The following SERPINB12 variants were observed in gnomAD, a reference collection of about 807,000 sequenced individuals.
The protein encoded by SERPINB12 is serpin B12.
SERPINB12 carries 57 observed loss-of-function variants against 41.1 expected under a neutral mutation model. The ratio of observed to expected loss-of-function variants is 1.39; its 90% CI spans 1.12 to 1.73. SERPINB12 has a LOEUF of 1.73. Among genes scored for constraint, SERPINB12 ranks in the 40% most tolerant of loss-of-function variants. The pLI is 0.00. For missense variants in SERPINB12, 536 were observed against 501.9 expected, an observed-to-expected ratio of 1.07 and a Z score of -0.65; for synonymous variants, 180 against 181.3, an observed-to-expected ratio of 0.99 and a Z score of 0.06.
intron 1 of SERPINB12, among the ~76,000 whole-genome samples, chr18:63,554,538 G>A (rs73468557): frequency 1.8e-3 from 273 of 152,232 alleles, no homozygotes; most frequent in African/African-American, 6.5e-3. Flanking sequence ...ACAAATAAGA[G>A]GATTTACATT....
chr18:63,552,887 A>G (rs1426745964), intron 1 of SERPINB12, among the ~76,000 whole-genome samples: 1 of 152,168 alleles, frequency 6.6e-6, no homozygotes, highest in Non-Finnish European at 1.5e-5. Context: ...ATTATTTGCT[A>G]TGTTTTAGAC....
At chr18:63,536,334 G>A in the SERPINB12 span, among the ~76,000 whole-genome samples, 3 of 151,652 alleles carry the variant, frequency 2.0e-5, no homozygotes, top group South Asian at 6.2e-4. Context: ...CAACAAAAGA[G>A]GATGTACGAA....
intron 1 of SERPINB12, among the ~76,000 whole-genome samples, chr18:63,551,568 T>C (rs948004093): frequency 6.6e-6 from 1 of 152,120 alleles, no homozygotes; most frequent in African/African-American, 2.4e-5. Context: ...CTCAACATTA[T>C]CTTATGATGT....
chr18:63,520,654 G>T, the SERPINB12 span, among the ~76,000 whole-genome samples: 6 of 152,228 alleles, frequency 3.9e-5, no homozygotes, highest in Non-Finnish European at 8.8e-5. Context: ...AACCAGGACA[G>T]TGGTAGAAAA....
chr18:63,556,229 C>G lies in SERPINB12; in HGVS notation c.70C>G (p.Arg24Gly), dbSNP rs948500841. ...TTTTCAAGAGATAGGCAAAGATGAT[C>G]GTCATAAAAACATATTTTTCTCTCC... Reference protein sequence around the residue: ...DLFQEIGKDDRHKNIFFSPLS... With the variant: ...DLFQEIGKDDGHKNIFFSPLS... The change falls in exon 2 of 8, where the codon CGT becomes GGT. Residue 24 changes from arginine to glycine, a missense_variant. Coordinates refer to ENST00000382768, the MANE Select transcript of SERPINB12 (RefSeq NM_001307928.2). The G allele has an allele frequency of 6.2e-7, 1 of 1,613,866 alleles. No homozygotes were observed. The highest frequency in any genetic ancestry group is 1.7e-5 in the Admixed American group (1 of 59,992).
rs1911140480 is a variant in SERPINB12, at chr18:63,567,191, G to A, written c.*180G>A. On this transcript the variant is annotated 3_prime_UTR_variant, in exon 8 of 8. Transcript: ENST00000382768. ...CTGTAGCTTATTTTCATCTGAGTCTGTTAGTATTGAAGGGCTGTTGTTCTC... is the reference window on the plus strand; with the variant it reads ...CTGTAGCTTATTTTCATCTGAGTCTATTAGTATTGAAGGGCTGTTGTTCTC... 6.6e-6 allele frequency among the ~76,000 whole-genome samples: 1 copy of A among 152,126 alleles called. No homozygotes were observed. Among genetic ancestry groups the A allele is most frequent in the Admixed American group, 6.6e-5 (1 of 15,266 alleles).
the SERPINB12 span, among the ~76,000 whole-genome samples, chr18:63,525,725 T>A: frequency 3.9e-5 from 6 of 152,168 alleles, no homozygotes; most frequent in African/African-American, 7.2e-5. Flanking sequence ...CTAGATTACT[T>A]ATGAAAACTG....
upstream of SERPINB12, among the ~76,000 whole-genome samples, chr18:63,542,009 G>C (rs1255324923): frequency 1.3e-5 from 2 of 152,136 alleles, no homozygotes; most frequent in African/African-American, 4.8e-5. Context: ...CATTGGGATA[G>C]GCGATGAAAA....
At chr18:63,546,929 A>G (rs1910400413) in intron 1 of SERPINB12, among the ~76,000 whole-genome samples, 1 of 152,212 alleles carries the variant, frequency 6.6e-6, no homozygotes, top group Admixed American at 6.5e-5. Flanking sequence ...AGCTGTTAGC[A>G]GCAACTCTGA....
intron 1 of SERPINB12, among the ~76,000 whole-genome samples, chr18:63,550,795 A>G (rs1467970900): frequency 6.6e-6 from 1 of 152,118 alleles, no homozygotes; most frequent in Non-Finnish European, 1.5e-5. Context: ...AAATCAGCAA[A>G]CATTGTGAAT....
chr18:63,546,577 A>C (rs1225657229), intron 1 of SERPINB12, among the ~76,000 whole-genome samples: 1 of 152,214 alleles, frequency 6.6e-6, no homozygotes, highest in East Asian at 1.9e-4. Context: ...AAATATAAGA[A>C]ATCATCTAAG....
Position 63,568,927 on chromosome 18 carries a change from A to G in SERPINB12, c.*1916A>G, listed in dbSNP as rs1170825926. ...GTGAGGCAGTTTGAGGCAGTGCCCTATCCAGAATGCATGTCCCATGGGTCA... is the reference window on the plus strand; with the variant it reads ...GTGAGGCAGTTTGAGGCAGTGCCCTGTCCAGAATGCATGTCCCATGGGTCA... On this transcript the variant is annotated 3_prime_UTR_variant, in exon 8 of 8. Transcript: ENST00000382768. 6.6e-6 allele frequency among the ~76,000 whole-genome samples: 1 copy of G among 152,206 alleles called. No individual in the cohort carries two copies. The highest frequency in any genetic ancestry group is 1.5e-5 in the Non-Finnish European group (1 of 68,036).
rs759655207 is a variant in SERPINB12 at position 63,566,842 on chromosome 18, T to G, written c.1109T>G (p.Val370Gly). The G allele has an allele frequency of 5.6e-6, 9 of 1,614,174 alleles. No individual in the cohort carries two copies. The South Asian group carries it at 9.9e-5, about 18-fold the overall frequency. Reference protein sequence around the residue: ...YLSKIIHKTFVEVDENGTQAA... With the variant: ...YLSKIIHKTFGEVDENGTQAA... The stretch of plus-strand genomic sequence containing the variant: ...TCAAAAATTATCCACAAAACCTTTG[T>G]GGAGGTGGATGAAAACGGTACCCAG... The change falls in exon 8 of 8, where the codon GTG becomes GGG. Residue 370 changes from valine (V) to glycine (G), a missense_variant. Val to Gly is a moderately radical substitution (Grantham distance 109, BLOSUM62 -3). Transcript: ENST00000382768.
intron 1 of SERPINB12, among the ~76,000 whole-genome samples, chr18:63,548,163 G>T (rs919597747): frequency 6.6e-6 from 1 of 152,086 alleles, no homozygotes; most frequent in Non-Finnish European, 1.5e-5. Flanking sequence ...GGAGAGGTTG[G>T]AGGAAAGTGG....
At chr18:63,563,232 A>C (rs1379647320) in intron 5 of SERPINB12, among the ~76,000 whole-genome samples, 2 of 152,222 alleles carry the variant, frequency 1.3e-5, no homozygotes, top group African/African-American at 4.8e-5. Flanking sequence ...TAGCACATTT[A>C]TGTGTATTTT....
Position 63,568,705 on chromosome 18 carries a change from C to G in SERPINB12, c.*1694C>G, listed in dbSNP as rs912789643. On this transcript the variant is annotated 3_prime_UTR_variant, in exon 8 of 8. Transcript: ENST00000382768. ...GTGGCTGTCCTCCTCCCAGCTGCCA[C>G]CAGTCGTTCAGTGTGGCCACGCAGT... 3.3e-5 allele frequency among the ~76,000 whole-genome samples: 5 copies of G among 152,192 alleles called. No individual in the cohort carries two copies. The highest frequency in any genetic ancestry group is 1.2e-4 in the African/African-American group (5 of 41,436).
chr18:63,558,534 C>T (rs1234967354), intron 3 of SERPINB12, 48 bp downstream of exon 3: 1 of 1,554,204 alleles, frequency 6.4e-7, no homozygotes, highest in Non-Finnish European at 8.7e-7. Context: ...TTACAAACTG[C>T]TTATTCTGGC....
chr18:63,542,620 G>A (rs1347305475), intron 1 of SERPINB12, among the ~76,000 whole-genome samples, 128 bp downstream of exon 1: 5 of 152,128 alleles, frequency 3.3e-5, no homozygotes, highest in East Asian at 1.9e-4. Flanking sequence ...AGGTGCTAAC[G>A]TTATTTTGCT....
chr18:63,528,527 A>C, the SERPINB12 span, among the ~76,000 whole-genome samples: 2 of 152,186 alleles, frequency 1.3e-5, no homozygotes, highest in Non-Finnish European at 2.9e-5. Flanking sequence ...TGTGCCTACC[A>C]TATGGAATGT....
Sources: allele counts gnomAD v4.1 joint callset (sites outside exome capture counted in the v4.1 genomes callset), GRCh38; gene constraint gnomAD v4.1.1; transcripts MANE v1.5; gene names NCBI Gene and HGNC (gene_info 2026-07-23, HGNC 2026-07-21).